Variants in DOCK3 observed in about 807,000 individuals in gnomAD.
DOCK3 encodes the protein dedicator of cytokinesis protein 3.
In DOCK3, 60 loss-of-function variants were observed where a neutral mutation model predicts 265.6. That is an observed-to-expected ratio of 0.23 (90% CI 0.18 to 0.28). The LOEUF (loss-of-function observed/expected upper bound fraction) is 0.28. Among genes scored for constraint, DOCK3 ranks in the 10% least tolerant of loss-of-function variants. The pLI is 1.00. For missense variants in DOCK3, 1,981 were observed against 2,594.3 expected, an observed-to-expected ratio of 0.76 and a Z score of 5.14; for synonymous variants, 881 against 938.0, an observed-to-expected ratio of 0.94 and a Z score of 1.11.
chr3:50,906,700 A>T (rs1372590578), intron 4 of DOCK3, among the ~76,000 whole-genome samples: 1 of 150,982 alleles, frequency 6.6e-6, no homozygotes. Flanking sequence ...GTTTGAAAAA[A>T]CCAGCTCCTG....
chr3:51,067,584 C>T (rs1329946510), intron 6 of DOCK3, among the ~76,000 whole-genome samples: 1 of 151,814 alleles, frequency 6.6e-6, no homozygotes, highest in African/African-American at 2.4e-5. Context: ...CCCTACTTTC[C>T]GTCTTCTTTT....
At chr3:50,798,237 A>G (rs546078631) in intron 2 of DOCK3, among the ~76,000 whole-genome samples, 18 of 152,344 alleles carry the variant, frequency 1.2e-4, no homozygotes, top group African/African-American at 3.8e-4. Context: ...TCACAGAGAA[A>G]AAGAGCAAAA....
At chr3:51,333,420 A>C (rs908484049) in intron 35 of DOCK3, among the ~76,000 whole-genome samples, 167 bp downstream of exon 35, 1 of 152,162 alleles carries the variant, frequency 6.6e-6, no homozygotes, top group Non-Finnish European at 1.5e-5. Context: ...CCAAGGAGAG[A>C]CAGAGACTTT....
At chr3:51,324,839 G>A (rs563415422) in intron 32 of DOCK3, among the ~76,000 whole-genome samples, 50 of 152,254 alleles carry the variant, frequency 3.3e-4, no homozygotes, top group African/African-American at 1.1e-3. Flanking sequence ...TTTAATAAAC[G>A]GTGTTGGGAA....
At chr3:50,680,297 C>T (rs559281054) in intron 1 of DOCK3, among the ~76,000 whole-genome samples, 7 of 149,492 alleles carry the variant, frequency 4.7e-5, no homozygotes, top group Non-Finnish European at 7.4e-5. Flanking sequence ...CTGCAACCTT[C>T]GCTTCCTGGG....
At chr3:50,712,662 G>A (rs529835233) in intron 1 of DOCK3, among the ~76,000 whole-genome samples, 17 of 152,282 alleles carry the variant, frequency 1.1e-4, no homozygotes, top group Admixed American at 1.1e-3. Context: ...TTGACAGGTG[G>A]TAGTCTCATT....
At chr3:50,951,539 C>T (rs1164787469) in intron 5 of DOCK3, among the ~76,000 whole-genome samples, 1 of 152,130 alleles carries the variant, frequency 6.6e-6, no homozygotes, top group Non-Finnish European at 1.5e-5. Flanking sequence ...GATTTACAGG[C>T]AAGCATTTGG....
intron 1 of DOCK3, among the ~76,000 whole-genome samples, chr3:50,776,346 C>G (rs1483420084): frequency 6.6e-6 from 1 of 151,864 alleles, no homozygotes; most frequent in Non-Finnish European, 1.5e-5. Flanking sequence ...TGATATTGAG[C>G]ATTTTTTTTC....
At chr3:50,918,778 G>A (rs2050272523) in intron 4 of DOCK3, among the ~76,000 whole-genome samples, 1 of 152,278 alleles carries the variant, frequency 6.6e-6, no homozygotes, top group Admixed American at 6.5e-5. Flanking sequence ...GATCCCATTT[G>A]TCTATTTTGG....
intron 3 of DOCK3, among the ~76,000 whole-genome samples, chr3:50,856,537 T>C (rs1362304891): frequency 6.6e-6 from 1 of 152,120 alleles, no homozygotes; most frequent in South Asian, 2.1e-4. Context: ...ATGGGGTTAT[T>C]TGTTTTTTTT....
At chr3:50,733,022 T>C (rs1294337522) in intron 1 of DOCK3, among the ~76,000 whole-genome samples, 1 of 152,198 alleles carries the variant, frequency 6.6e-6, no homozygotes, top group East Asian at 1.9e-4. Flanking sequence ...GTTCAAGTGA[T>C]ACTCCCACCT....
chr3:51,131,740 A>G (rs1428142334), intron 9 of DOCK3, among the ~76,000 whole-genome samples: 1 of 152,160 alleles, frequency 6.6e-6, no homozygotes, highest in Non-Finnish European at 1.5e-5. Context: ...GCTGTCCATT[A>G]TGGTAGGCCC....
At chr3:50,932,575 G>A (rs2051127981) in intron 4 of DOCK3, among the ~76,000 whole-genome samples, 1 of 152,116 alleles carries the variant, frequency 6.6e-6, no homozygotes, top group Non-Finnish European at 1.5e-5. Flanking sequence ...CAGGTTACTT[G>A]TGTTAAGATC....
At chr3:50,919,002 A>G (rs1024503058) in intron 4 of DOCK3, among the ~76,000 whole-genome samples, 3 of 152,152 alleles carry the variant, frequency 2.0e-5, no homozygotes, top group Non-Finnish European at 2.9e-5. Flanking sequence ...TCCTAGCACC[A>G]TTTATTAAAT....
At chr3:50,849,012 T>C (rs748604324) in intron 3 of DOCK3, among the ~76,000 whole-genome samples, 33 of 152,264 alleles carry the variant, frequency 2.2e-4, no homozygotes, top group Non-Finnish European at 3.4e-4. Flanking sequence ...TTTCTTTATT[T>C]TTGTCTGGAT....
At chr3:50,705,608 G>C (rs1242370258) in intron 1 of DOCK3, among the ~76,000 whole-genome samples, 2 of 151,996 alleles carry the variant, frequency 1.3e-5, no homozygotes, top group Admixed American at 1.3e-4. Flanking sequence ...GTAGAGATGG[G>C]GTTTCACCAT....
At chr3:50,971,585 G>T (rs2077234706) in intron 5 of DOCK3, among the ~76,000 whole-genome samples, 1 of 152,186 alleles carries the variant, frequency 6.6e-6, no homozygotes, top group African/African-American at 2.4e-5. Flanking sequence ...GTGCACTTGT[G>T]TCAGCAGATT....
chr3:50,761,569 A>G (rs1000062292), intron 1 of DOCK3, among the ~76,000 whole-genome samples: 1 of 152,216 alleles, frequency 6.6e-6, no homozygotes, highest in Admixed American at 6.5e-5. Context: ...GAAGCCGTCA[A>G]AAGTGCTGGC....
chr3:50,963,604 T>TC (rs1260661990), intron 5 of DOCK3, among the ~76,000 whole-genome samples: 1 of 152,212 alleles, frequency 6.6e-6, no homozygotes, highest in Non-Finnish European at 1.5e-5. Context: ...ATATATACCT[T>TC]CCCACCTGAA....
Sources: allele counts gnomAD v4.1 joint callset (sites outside exome capture counted in the v4.1 genomes callset), GRCh38; gene constraint gnomAD v4.1.1; transcripts MANE v1.5; gene names NCBI Gene and HGNC (gene_info 2026-07-23, HGNC 2026-07-21).